ATL2: variants seen among roughly 807,000 people sequenced by gnomAD.
ATL2 encodes the protein atlastin-2.
In ATL2, 31 loss-of-function variants were observed where a neutral mutation model predicts 73.9. The observed-to-expected ratio is 0.42, with a 90% confidence interval of 0.32 to 0.57. ATL2 has a LOEUF of 0.57. Ranked by LOEUF, ATL2 falls within the 20% of genes least tolerant of loss-of-function variation. The pLI is 0.14. For missense variants in ATL2, 738 were observed against 702.6 expected (o/e 1.05, Z -0.57); for synonymous variants, 291 against 237.5 (o/e 1.23, Z -2.07).
At chr2:38,301,619 C>T (rs2084421) in intron 9 of ATL2, among the ~76,000 whole-genome samples, 54,052 of 152,090 alleles carry the variant, frequency 0.36, 9,786 homozygotes, top group South Asian at 0.47. Context: ...TGAAACTCAG[C>T]GCTGCCCTGC....
At chr2:38,332,640 A>T (rs1159218831) in intron 2 of ATL2, among the ~76,000 whole-genome samples, 2 of 152,244 alleles carry the variant, frequency 1.3e-5, no homozygotes, top group African/African-American at 4.8e-5. Flanking sequence ...CTGTTAAAGG[A>T]AAAACAAAAA....
At chr2:38,375,480 T>C (rs1671908089) in intron 1 of ATL2, among the ~76,000 whole-genome samples, 2 of 152,156 alleles carry the variant, frequency 1.3e-5, no homozygotes, top group Non-Finnish European at 2.9e-5. Flanking sequence ...GTGGGCCCTA[T>C]TTCAACAACA....
At chr2:38,371,472 G>C (rs948054118) in intron 1 of ATL2, among the ~76,000 whole-genome samples, 1 of 152,026 alleles carries the variant, frequency 6.6e-6, no homozygotes, top group Non-Finnish European at 1.5e-5. Context: ...CTGCACTCCA[G>C]CCTTGGCAAC....
At chr2:38,340,000 T>G (rs528571734) in intron 2 of ATL2, among the ~76,000 whole-genome samples, 2 of 151,916 alleles carry the variant, frequency 1.3e-5, no homozygotes, top group African/African-American at 4.8e-5. Flanking sequence ...CCTCATACAG[T>G]AGAATATTAA....
intron 2 of ATL2, among the ~76,000 whole-genome samples, chr2:38,340,537 A>C (rs1172920131): frequency 2.6e-5 from 4 of 152,124 alleles, no homozygotes; most frequent in Non-Finnish European, 4.4e-5. Flanking sequence ...CTCTTATAAA[A>C]CTACTCACTA....
At chr2:38,375,638 AAGAAAGAAAG>A (rs1018952913) in intron 1 of ATL2, among the ~76,000 whole-genome samples, 5 of 152,190 alleles carry the variant, frequency 3.3e-5, no homozygotes, top group African/African-American at 9.7e-5. Context: ...AAAAAAAGGA[AAGAAAGAAAG>A]AGAAAGAAAG....
At chr2:38,315,461 T>A (rs1299554531) in intron 4 of ATL2, 127 bp from the exon 5 acceptor site, 8 of 906,570 alleles carry the variant, frequency 8.8e-6, no homozygotes, top group Non-Finnish European at 1.3e-5. Flanking sequence ...TTAACTACTA[T>A]CTTGACAACT....
rs184335880 is a variant in ATL2 at position 38,357,235 on chromosome 2, G to C, written c.119-13723C>G. Among the ~76,000 whole-genome samples the C allele has an allele frequency of 2.6e-5, 4 of 152,064 alleles. No individual in the cohort carries two copies. The East Asian group carries it at 7.7e-4, about 29-fold the overall frequency. ...CCCAGCTACTTGAGAGGCTGAGGCA[G>C]GACAATTACTTGAACCCAGGAGGCA... On this transcript the variant is annotated intron_variant, in intron 1 of 12. Coordinates refer to ENST00000378954, the MANE Select transcript of ATL2 (RefSeq NM_001135673.4).
chr2:38,298,445 T>A lies in ATL2; in HGVS notation c.1331A>T (p.Tyr444Phe). 6.2e-7 allele frequency: 1 copy of A among 1,614,210 alleles called. No individual in the cohort carries two copies. Among genetic ancestry groups the A allele is most frequent in the Non-Finnish European group, 8.5e-7 (1 of 1,180,008 alleles). Reference protein sequence around the residue: ...KMGGDEFCRRYQDQLEAEIEE... With the variant: ...KMGGDEFCRRFQDQLEAEIEE... ...AATTTCAGCTTCAAGCTGGTCCTGA[T>A]AACGACGGCAGAACTCATCTCCACC... The change falls in exon 12 of 13, where the codon TAT becomes TTT. Residue 444 changes from tyrosine to phenylalanine, a missense_variant. By Grantham distance (22) the Tyr-to-Phe change is conservative. Coordinates refer to ENST00000378954, the MANE Select transcript of ATL2 (RefSeq NM_001135673.4).
intron 2 of ATL2, among the ~76,000 whole-genome samples, chr2:38,342,098 A>C (rs1470293227): frequency 1.3e-5 from 2 of 151,036 alleles, no homozygotes; most frequent in African/African-American, 4.9e-5. Context: ...AAACATTCCA[A>C]CTCGAGTGAA....
chr2:38,315,950 T>C (rs916505945), intron 4 of ATL2, among the ~76,000 whole-genome samples: 3 of 152,228 alleles, frequency 2.0e-5, no homozygotes, highest in Non-Finnish European at 2.9e-5. Context: ...CCAGAATTTT[T>C]TGGAGGAGAC....
At chr2:38,314,541 T>C (rs1667927120) in intron 6 of ATL2, 67 bp downstream of exon 6, 11 of 1,180,364 alleles carry the variant, frequency 9.3e-6, no homozygotes, top group Non-Finnish European at 1.4e-5. Flanking sequence ...TCTCCAAAAT[T>C]ACAAACTGAG....
At position 38,337,486 on chromosome 2, in the gene ATL2, CAAAAAAAAAAA is replaced by C. The variant is rs755029194; in HGVS notation, c.363+5771_363+5781del. ...TGGCGACAGAACAAGACTCTGTCTC[CAAAAAAAAAAA>C]AAAAAAAAAAAAAAAAAAAAGGCAG... On this transcript the variant is annotated intron_variant, in intron 2 of 12. Coordinates refer to ENST00000378954, the MANE Select transcript of ATL2 (RefSeq NM_001135673.4). 2.4e-3 allele frequency among the ~76,000 whole-genome samples: 53 copies of C among 21,658 alleles called. 1 individual carries two copies. Among genetic ancestry groups the C allele is most frequent in the South Asian group, 0.02 (6 of 300 alleles). The allele number at this position is 21,658 out of a possible 152,430, so 14.2% of individuals were successfully genotyped here.
At chr2:38,360,366 G>A (rs1413093767) in intron 1 of ATL2, among the ~76,000 whole-genome samples, 1 of 151,486 alleles carries the variant, frequency 6.6e-6, no homozygotes. Flanking sequence ...GCTCACTGTG[G>A]CCTTGACCCC....
intron 1 of ATL2, among the ~76,000 whole-genome samples, chr2:38,344,749 GCCT>G (rs1669923782): frequency 6.6e-6 from 1 of 152,102 alleles, no homozygotes; most frequent in African/African-American, 2.4e-5. Context: ...TACTACTACA[GCCT>G]CCTCATTAAA....
At chr2:38,341,163 A>T (rs931492771) in intron 2 of ATL2, among the ~76,000 whole-genome samples, 4 of 152,198 alleles carry the variant, frequency 2.6e-5, no homozygotes, top group Non-Finnish European at 5.9e-5. Flanking sequence ...AACAAAATAC[A>T]TTTGCACTAA....
At chr2:38,368,345 C>G (rs1215450831) in intron 1 of ATL2, among the ~76,000 whole-genome samples, 2 of 151,626 alleles carry the variant, frequency 1.3e-5, no homozygotes, top group Non-Finnish European at 2.9e-5. Context: ...CTCCACCTCC[C>G]AGGTTCAAGC....
chr2:38,332,537 T>G (rs1372711770), intron 2 of ATL2, among the ~76,000 whole-genome samples: 1 of 152,188 alleles, frequency 6.6e-6, no homozygotes, highest in Admixed American at 6.5e-5. Context: ...ATTGGGGTAA[T>G]AGTTGCACAA....
intron 2 of ATL2, among the ~76,000 whole-genome samples, chr2:38,336,601 T>C (rs1481421707): frequency 1.3e-5 from 2 of 152,258 alleles, no homozygotes; most frequent in African/African-American, 4.8e-5. Context: ...ACCTGTACTT[T>C]ACTTATTGTA....
Sources: allele counts gnomAD v4.1 joint callset (sites outside exome capture counted in the v4.1 genomes callset), GRCh38; gene constraint gnomAD v4.1.1; transcripts MANE v1.5; gene names NCBI Gene and HGNC (gene_info 2026-07-23, HGNC 2026-07-21).